Variants in TMEM237 observed in about 807,000 individuals in gnomAD.
TMEM237 encodes the protein amyotrophic lateral sclerosis 2 (juvenile) chromosome region, candidate 4.
Under a neutral mutation model 59.1 loss-of-function variants are expected in TMEM237, and 51 were observed. The observed-to-expected ratio is 0.86, with a 90% CI of 0.69 to 1.09. The LOEUF is 1.09. Among genes scored for constraint, TMEM237 ranks in the 50% least tolerant of loss-of-function variants. The pLI, the probability that TMEM237 is intolerant of heterozygous loss-of-function variation, is 0.00. For synonymous variants in TMEM237, 140 were observed against 166.1 expected (o/e 0.84, Z 1.21); for missense variants, 475 against 478.3 (o/e 0.99, Z 0.06).
Position 201,643,056 on chromosome 2 carries a change from C to T in TMEM237, c.42+303G>A. The T allele has an allele frequency of 8.4e-7, 1 of 1,192,828 alleles. No homozygotes were observed. 73.9% of individuals were successfully genotyped at this position (1,192,828 alleles called of 1,614,324 possible). A position where few individuals can be genotyped will look rare whatever the true frequency, so the allele number is the denominator to read the frequency against. ...TCTAGGAGAGGCCTGGCTGGAAGCC[C>T]CGGCACCCGCCGGGCCCCGGGCCTC... On this transcript the variant is annotated intron_variant, in intron 1 of 12. Coordinates refer to ENST00000409883, the MANE Select transcript of TMEM237 (RefSeq NM_001044385.3). This position sits in a 1 kb window ranked among gnomAD's most constrained non-coding sequence, Gnocchi z 4.3.
chr2:201,624,319 A>G lies in TMEM237; in HGVS notation c.1163T>C (p.Leu388Ser), dbSNP rs1410471494. 6.2e-7 allele frequency: 1 copy of G among 1,610,192 alleles called. No homozygotes were observed. The highest frequency in any genetic ancestry group is 2.2e-5 in the East Asian group (1 of 44,624). Residue 388 changes from leucine (L) to serine (S), a missense_variant, in exon 13 of 13, where the codon TTA becomes TCA. Coordinates refer to ENST00000409883, the MANE Select transcript of TMEM237 (RefSeq NM_001044385.3). ...YRPGMDLSEE[L>S]MFSSEVEEYP... ...TTCTTCCACCTCTGAGGAGAACATTAACTCTGGAGAAGAAAATGAACAGAT... is the reference window on the plus strand; with the variant it reads ...TTCTTCCACCTCTGAGGAGAACATTGACTCTGGAGAAGAAAATGAACAGAT...
intron 9 of TMEM237, among the ~76,000 whole-genome samples, chr2:201,628,870 C>T (rs1957782764): frequency 6.6e-6 from 1 of 152,340 alleles, no homozygotes; most frequent in South Asian, 2.1e-4. Flanking sequence ...AATAAATGTG[C>T]TGTTTTCAGC....
intron 5 of TMEM237, 137 bp downstream of exon 5, chr2:201,636,611 G>C: frequency 1.1e-6 from 1 of 944,252 alleles, no homozygotes; most frequent in Non-Finnish European, 1.6e-6. Context: ...TATTCTAGTG[G>C]TAAATATTTT....
intron 6 of TMEM237, 152 bp from the exon 7 acceptor site, chr2:201,632,360 T>C (rs1957815418): frequency 1.2e-5 from 4 of 342,242 alleles, no homozygotes; most frequent in Admixed American, 1.3e-4. Flanking sequence ...TTAACTATTA[T>C]GTGCAGCAAG....
At chr2:201,632,357 T>C in intron 6 of TMEM237, 149 bp from the exon 7 acceptor site, 1 of 818,878 alleles carries the variant, frequency 1.2e-6, no homozygotes, top group Non-Finnish European at 1.9e-6. Context: ...TTATTAACTA[T>C]TATGTGCAGC....
At position 201,627,348 on chromosome 2, in the gene TMEM237, G is replaced by A; in HGVS notation, c.1010C>T (p.Thr337Ile). 1 of 1,608,492 alleles carries A rather than the reference G, an allele frequency of 6.2e-7. No homozygotes were observed. ...GAGGCTACCATTAACAGAAGAAGGTGTGTAAAGGTGGATTCTGTCACTTGT... is the reference window on the plus strand; with the variant it reads ...GAGGCTACCATTAACAGAAGAAGGTATGTAAAGGTGGATTCTGTCACTTGT... ...QMTSDRIHLY[T>I]PSSVNGSLWE... The change falls in exon 11 of 13, where the codon ACA becomes ATA. Residue 337 changes from threonine (T) to isoleucine (I), a missense_variant. Coordinates refer to ENST00000409883, the MANE Select transcript of TMEM237 (RefSeq NM_001044385.3).
At position 201,629,357 on chromosome 2, in the gene TMEM237, A is replaced by G. The variant is rs1957787929; in HGVS notation, c.742T>C (p.Tyr248His). 4 of 1,609,520 alleles carry G rather than the reference A, an allele frequency of 2.5e-6. No homozygotes were observed. Among genetic ancestry groups the G allele is most frequent in the East Asian group, 4.5e-5 (2 of 44,834 alleles). ...GATAGCTGATCTCCTGCTAGAACAT[A>G]TATCACAACAATATTCCACACAGCA... ...GCAVWNIVVIYVLAGDQLSNL... is the reference protein window; with the variant it reads ...GCAVWNIVVIHVLAGDQLSNL... The change falls in exon 9 of 13, where the codon TAT (tyrosine) becomes CAT (histidine). Residue 248 changes from tyrosine (Y) to histidine (H), a missense_variant. Transcript: ENST00000409883.
rs1202199961 is a variant in TMEM237 at position 201,629,820 on chromosome 2, T to A, written c.586A>T (p.Ile196Leu). Residue 196 changes from isoleucine (I) to leucine (L), a missense_variant, in exon 8 of 13, where the codon ATA (isoleucine) becomes TTA (leucine). Ile to Leu is a conservative substitution (Grantham distance 5, BLOSUM62 2). Coordinates refer to ENST00000409883, the MANE Select transcript of TMEM237 (RefSeq NM_001044385.3). ...ACATCTATGTTTTCTGTGGTCTTTA[T>A]CAACTCTGAACGATCAGCAGCCTGG... ...RFQAADRSEL[I>L]KTTENIDVSM... 2 of 1,613,422 alleles carry A rather than the reference T, an allele frequency of 1.2e-6. No homozygotes were observed. The highest frequency in any genetic ancestry group is 1.7e-6 in the Non-Finnish European group (2 of 1,179,766).
intron 4 of TMEM237, among the ~76,000 whole-genome samples, chr2:201,637,759 A>T (rs971208129): frequency 1.1e-4 from 16 of 152,162 alleles, no homozygotes; most frequent in African/African-American, 3.4e-4. Flanking sequence ...AAAAAAAAAA[A>T]AAATAGAAAT....
In TMEM237 at chr2:201,629,347, G is replaced by A; in HGVS notation, c.752C>T (p.Ala251Val). 1 of 1,610,566 alleles carries A rather than the reference G, an allele frequency of 6.2e-7. No homozygotes were observed. The change falls in exon 9 of 13, where the codon GCA (alanine) becomes GTA (valine). Residue 251 changes from alanine (A) to valine (V), a missense_variant. Coordinates refer to ENST00000409883, the MANE Select transcript of TMEM237 (RefSeq NM_001044385.3). ...TGAGAGGTTGGATAGCTGATCTCCT[G>A]CTAGAACATATATCACAACAATATT... Reference protein sequence around the residue: ...VWNIVVIYVLAGDQLSNLSNL... With the variant: ...VWNIVVIYVLVGDQLSNLSNL...
intron 5 of TMEM237, among the ~76,000 whole-genome samples, chr2:201,634,579 G>C (rs1321849047): frequency 1.3e-5 from 2 of 152,096 alleles, no homozygotes; most frequent in Non-Finnish European, 2.9e-5. Context: ...ATAAAACTAG[G>C]TATTGGTATC....
At chr2:201,629,985 T>C in intron 7 of TMEM237, 133 bp from the exon 8 acceptor site, 1 of 1,141,934 alleles carries the variant, frequency 8.8e-7, no homozygotes, top group Non-Finnish European at 1.2e-6. Context: ...AAATTCTCCT[T>C]GACTCAGTAC....
At chr2:201,641,730 T>TACACACAC (rs10673016) in intron 1 of TMEM237, among the ~76,000 whole-genome samples, 84 of 150,818 alleles carry the variant, frequency 5.6e-4, no homozygotes, top group Middle Eastern at 3.4e-3. Context: ...ATACACAAGA[T>TACACACAC]ACACACACAC....
rs73989521 is a variant in TMEM237 at position 201,626,089 on chromosome 2, C to G, written c.1096G>C (p.Ala366Pro). ...QPWIVVNLVVALLVGLSWLFL... is the reference protein window; with the variant it reads ...QPWIVVNLVVPLLVGLSWLFL... ...AGCCAAGATAATCCAACCAGAAGAGCCACCACGAGATTCACCACAATCCAT... is the reference window on the plus strand; with the variant it reads ...AGCCAAGATAATCCAACCAGAAGAGGCACCACGAGATTCACCACAATCCAT... The change falls in exon 12 of 13, where the codon GCT (alanine) becomes CCT (proline). Residue 366 changes from alanine to proline, a missense_variant. Transcript: ENST00000409883. The G allele has an allele frequency of 6.2e-7, 1 of 1,608,484 alleles. No individual in the cohort carries two copies. Among genetic ancestry groups the G allele is most frequent in the Non-Finnish European group, 8.5e-7 (1 of 1,177,200 alleles).
intron 3 of TMEM237, among the ~76,000 whole-genome samples, chr2:201,639,439 T>C (rs771926811): frequency 3.0e-4 from 46 of 152,212 alleles, no homozygotes; most frequent in Non-Finnish European, 6.0e-4. Context: ...CAGCTTTCTC[T>C]TCCCTTGTTG....
intron 9 of TMEM237, 145 bp downstream of exon 9, chr2:201,629,085 G>C: frequency 1.9e-6 from 1 of 529,788 alleles, no homozygotes; most frequent in Non-Finnish European, 3.0e-6. Flanking sequence ...CCTCAAAAAA[G>C]AACAGAAGTA....
intron 7 of TMEM237, among the ~76,000 whole-genome samples, chr2:201,630,643 T>C (rs1169900233): frequency 4.6e-5 from 7 of 152,192 alleles, no homozygotes; most frequent in African/African-American, 1.7e-4. Flanking sequence ...CCAGTTACTC[T>C]AGCAGGGAAA....
rs555284377 is a variant in TMEM237 at position 201,628,160 on chromosome 2, TA to T, written c.870-12del. ...TTAGCAAAGTCAATCCTAGAAAATA[TA>T]AAAGTTTCTTGTCACAGCGCAGTTG... On this transcript the variant is annotated splice_polypyrimidine_tract_variant and intron_variant, in intron 9 of 12. Coordinates refer to ENST00000409883, the MANE Select transcript of TMEM237 (RefSeq NM_001044385.3). 1 of 1,585,968 alleles carries T rather than the reference TA, an allele frequency of 6.3e-7. No individual in the cohort carries two copies. Among genetic ancestry groups the T allele is most frequent in the East Asian group, 2.3e-5 (1 of 44,234 alleles).
chr2:201,625,795 G>A (rs1228471605), intron 12 of TMEM237, among the ~76,000 whole-genome samples: 1 of 151,952 alleles, frequency 6.6e-6, no homozygotes, highest in Non-Finnish European at 1.5e-5. Context: ...AATGCACAAG[G>A]GCCACAGAAG....
Sources: allele counts gnomAD v4.1 joint callset (sites outside exome capture counted in the v4.1 genomes callset), GRCh38; gene constraint gnomAD v4.1.1; non-coding constraint Gnocchi (gnomAD v3.1); transcripts MANE v1.5; gene names NCBI Gene and HGNC (gene_info 2026-07-23, HGNC 2026-07-21).